Variants in NCOA6 observed in about 807,000 individuals in gnomAD.
The protein encoded by NCOA6 is NRC RAP250.
In NCOA6, 49 loss-of-function variants were observed where a neutral mutation model predicts 171.4. That is an observed-to-expected ratio of 0.29 (90% CI 0.23 to 0.36). The LOEUF (loss-of-function observed/expected upper bound fraction) is 0.36, where lower values mean the gene tolerates loss of function less well. NCOA6 is among the 10% of genes least tolerant of loss of function. The pLI is 1.00. For synonymous variants in NCOA6, 910 were observed against 927.5 expected, an observed-to-expected ratio of 0.98 and a Z score of 0.34; for missense variants, 2,248 against 2,554.5, an observed-to-expected ratio of 0.88 and a Z score of 2.59.
intron 1 of NCOA6, among the ~76,000 whole-genome samples, chr20:34,815,115 C>T (rs1478505505): frequency 1.3e-5 from 2 of 151,956 alleles, no homozygotes; most frequent in Non-Finnish European, 2.9e-5. Flanking sequence ...CACAGTGGCA[C>T]ACGCCTGTAA....
intron 1 of NCOA6, among the ~76,000 whole-genome samples, chr20:34,805,704 C>T (rs1232229341): frequency 1.4e-5 from 2 of 147,656 alleles, no homozygotes; most frequent in East Asian, 2.0e-4. Context: ...TTTTTTGAGA[C>T]GGAGTCTTAC....
intron 3 of NCOA6, among the ~76,000 whole-genome samples, chr20:34,777,339 C>A (rs1045548819): frequency 2.6e-5 from 4 of 151,952 alleles, no homozygotes; most frequent in African/African-American, 9.7e-5. Context: ...GGCACGGTGG[C>A]TCACACCTAT....
intron 1 of NCOA6, among the ~76,000 whole-genome samples, chr20:34,815,260 G>A (rs149486575): frequency 8.9e-4 from 134 of 151,292 alleles, no homozygotes; most frequent in Middle Eastern, 3.5e-3. Context: ...GTAGTCCCAC[G>A]TGTTCACTCA....
chr20:34,728,947 TTTG>T (rs144947873), intron 13 of NCOA6, among the ~76,000 whole-genome samples: 151 of 152,238 alleles, frequency 9.9e-4, no homozygotes, highest in African/African-American at 3.4e-3. Context: ...ACATAAATCT[TTTG>T]TTGTTGTTGT....
In NCOA6 at chr20:34,740,889, T is replaced by C. The variant is rs2076119204; in HGVS notation, c.5367A>G (p.Ser1789=). The stretch of plus-strand genomic sequence containing the variant: ...TCAAAAGGGGAGAAACCATTGTGGT[T>C]GACTGTGAAGAGGGAAGAGTGTTCT... ...ADQNTLPSSQ[S]TTMVSPLLTN... The change falls in exon 11 of 15, where the codon TCA becomes TCG. Residue 1789 remains serine, a synonymous_variant. Transcript: ENST00000359003. 6.2e-7 allele frequency: 1 copy of C among 1,614,198 alleles called. No individual in the cohort carries two copies. The highest frequency in any genetic ancestry group is 8.5e-7 in the Non-Finnish European group (1 of 1,180,042).
intron 5 of NCOA6, among the ~76,000 whole-genome samples, chr20:34,765,376 A>AGTG (rs1454552434): frequency 1.3e-5 from 2 of 149,310 alleles, no homozygotes; most frequent in Admixed American, 6.7e-5. Flanking sequence ...CAGAGCTTGC[A>AGTG]GTGAGCCGAG....
At chr20:34,808,404 T>G (rs1251452598) in intron 1 of NCOA6, among the ~76,000 whole-genome samples, 1 of 151,854 alleles carries the variant, frequency 6.6e-6, no homozygotes, top group African/African-American at 2.4e-5. Flanking sequence ...CAGTTCTGCT[T>G]TAGCTAGCAG....
intron 2 of NCOA6, among the ~76,000 whole-genome samples, chr20:34,790,554 A>G (rs1344059112): frequency 6.6e-6 from 1 of 151,912 alleles, no homozygotes; most frequent in Non-Finnish European, 1.5e-5. Context: ...ACAGGGTTTC[A>G]CCGTGTTAGC....
chr20:34,736,904 C>T, intron 11 of NCOA6, 146 bp from the exon 12 acceptor site: 1 of 602,724 alleles, frequency 1.7e-6, no homozygotes, highest in South Asian at 2.6e-5. Context: ...ATTACAAGTA[C>T]ATTTTAAAAC....
At chr20:34,760,833 A>G (rs1352543824) in intron 5 of NCOA6, among the ~76,000 whole-genome samples, 1 of 152,116 alleles carries the variant, frequency 6.6e-6, no homozygotes, top group Non-Finnish European at 1.5e-5. Context: ...CACCTTTTAA[A>G]ATTTGTACTT....
intron 2 of NCOA6, 145 bp from the exon 3 acceptor site, chr20:34,782,549 AATT>A (rs1156644725): frequency 2.7e-5 from 7 of 255,490 alleles, no homozygotes; most frequent in Non-Finnish European, 4.3e-5. Context: ...AAGCTATTTT[AATT>A]ATGACATTCT....
rs554254773 is a variant in NCOA6 at position 34,808,996 on chromosome 20, C to G, written c.-163-16433G>C. On this transcript the variant is annotated intron_variant, in intron 1 of 14. Transcript: ENST00000359003. ...AATGAAACTAACTATATACACCTGCCCTTCTCTGAGATCGTAAGGTAGCCT... is the reference window on the plus strand; with the variant it reads ...AATGAAACTAACTATATACACCTGCGCTTCTCTGAGATCGTAAGGTAGCCT... Among the ~76,000 whole-genome samples, 17 of 152,280 alleles carry G rather than the reference C, an allele frequency of 1.1e-4. No individual in the cohort carries two copies. The South Asian group carries it at 3.5e-3, about 32-fold the overall frequency.
In NCOA6 at chr20:34,749,728, T is replaced by G. The variant is rs932151785; in HGVS notation, c.2467A>C (p.Ile823Leu). 6.2e-7 allele frequency: 1 copy of G among 1,614,250 alleles called. No individual in the cohort carries two copies. Among genetic ancestry groups the G allele is most frequent in the Non-Finnish European group, 8.5e-7 (1 of 1,180,034 alleles). The stretch of plus-strand genomic sequence containing the variant: ...GGGGGGACCATGTTGGTTTGTTGAA[T>G]GCTAACATCAGGCATCATCTGAGAT... ...SLSQMMPDVSIQQTNMVPPHV... is the reference protein window; with the variant it reads ...SLSQMMPDVSLQQTNMVPPHV... The change falls in exon 9 of 15, where the codon ATT (isoleucine) becomes CTT (leucine). Residue 823 changes from isoleucine to leucine, a missense_variant. This residue lies in a region of NCOA6 where 987 missense variants were observed against 1,104.7 expected (regional missense o/e 0.89). Coordinates refer to ENST00000359003, the MANE Select transcript of NCOA6 (RefSeq NM_014071.5).
rs1600932524 is a variant in NCOA6, at chr20:34,768,351, AT to A, written c.514+112del. The stretch of plus-strand genomic sequence containing the variant: ...ATGTCTAGCTTTCCTGATTCAGCAA[AT>A]AGAGATGTTAAGTATGCCATGAACC... On this transcript the variant is annotated intron_variant, in intron 5 of 14. Transcript: ENST00000359003. The A allele has an allele frequency of 1.0e-5, 14 of 1,349,884 alleles. No homozygotes were observed. In the East Asian group the frequency reaches 3.3e-4, roughly 31 times the overall value. 83.6% of individuals were successfully genotyped at this position (1,349,884 alleles called of 1,614,324 possible).
At chr20:34,729,639 C>A (rs1387087213) in intron 13 of NCOA6, among the ~76,000 whole-genome samples, 1 of 152,200 alleles carries the variant, frequency 6.6e-6, no homozygotes, top group Non-Finnish European at 1.5e-5. Context: ...GTAGAGCTGT[C>A]TCTTTTGTCT....
chr20:34,820,769 T>G (rs1381798033), intron 1 of NCOA6: 3 of 104,586 alleles, frequency 2.9e-5, no homozygotes, highest in African/African-American at 3.9e-5. Context: ...AGACTTCATC[T>G]CAAAAAAAAA....
chr20:34,752,348 C>G (rs1395992566), intron 8 of NCOA6, among the ~76,000 whole-genome samples: 1 of 152,172 alleles, frequency 6.6e-6, no homozygotes, highest in Non-Finnish European at 1.5e-5. Context: ...ATTGTATATG[C>G]TTGTATACAA....
At chr20:34,727,802 C>T (rs549190153) in intron 13 of NCOA6, among the ~76,000 whole-genome samples, 2 of 150,982 alleles carry the variant, frequency 1.3e-5, no homozygotes, top group African/African-American at 4.9e-5. Flanking sequence ...CAGCTCACTG[C>T]GACCCCTGCC....
chr20:34,733,484 T>C (rs540941286), intron 12 of NCOA6, among the ~76,000 whole-genome samples: 142 of 152,308 alleles, frequency 9.3e-4, no homozygotes, highest in Non-Finnish European at 1.6e-3. Context: ...TTATTAGCCA[T>C]GTGACCTTGG....
Sources: allele counts gnomAD v4.1 joint callset (sites outside exome capture counted in the v4.1 genomes callset), GRCh38; gene constraint gnomAD v4.1.1; regional missense constraint gnomAD v4.1.1; transcripts MANE v1.5; gene names NCBI Gene and HGNC (gene_info 2026-07-23, HGNC 2026-07-21).